The following MYH1 variants were observed in gnomAD, a reference collection of about 807,000 sequenced individuals.
MYH1 encodes myosin-1.
A neutral mutation model predicts 225.6 loss-of-function variants in MYH1; 214 were observed. The ratio of observed to expected loss-of-function variants is 0.95; its 90% CI spans 0.85 to 1.06. The LOEUF (loss-of-function observed/expected upper bound fraction) is 1.06. Ranked by LOEUF, MYH1 falls within the 50% of genes least tolerant of loss-of-function variation. The pLI is 0.00. For synonymous variants in MYH1, 774 were observed against 842.3 expected (o/e 0.92, Z 1.40); for missense variants, 2,098 against 2,344.2 (o/e 0.89, Z 2.17).
Position 10,500,659 on chromosome 17 carries a change from T to C in MYH1, c.3832A>G (p.Thr1278Ala). 1.2e-6 allele frequency: 2 copies of C among 1,613,946 alleles called. No individual in the cohort carries two copies. The highest frequency in any genetic ancestry group is 1.7e-6 in the Non-Finnish European group (2 of 1,180,020). ...EEQQRLINDL[T>A]AQRARLQTES... ...GTTTGCAGGCGCGCTCTCTGTGCTG[T>C]GAGGTCATTGATCAGCCGCTGCTGC... The change falls in exon 28 of 40, where the codon ACA becomes GCA. Residue 1278 changes from threonine to alanine, a missense_variant. Thr to Ala is a moderately conservative substitution (Grantham distance 58). Coordinates refer to ENST00000226207, the MANE Select transcript of MYH1 (RefSeq NM_005963.4).
At chr17:10,512,827 A>G in intron 10 of MYH1, 40 bp downstream of exon 10, 1 of 1,600,564 alleles carries the variant, frequency 6.2e-7, no homozygotes, top group Non-Finnish European at 8.6e-7. Flanking sequence ...ATTAGAAGAT[A>G]GTACAGTGAC....
chr17:10,498,484 G>A (rs2073018643), intron 30 of MYH1, 142 bp downstream of exon 30: 3 of 1,164,304 alleles, frequency 2.6e-6, no homozygotes, highest in Non-Finnish European at 1.2e-6. Context: ...ACTCCTCTCA[G>A]AATCTCTTCT....
At position 10,495,122 on chromosome 17, in the gene MYH1, A is replaced by G. The variant is rs778515926; in HGVS notation, c.5296-21T>C. On this transcript the variant is annotated intron_variant, in intron 36 of 39. Transcript: ENST00000226207. ...GCAGCCTAATTAGCAGTAAAACAGA[A>G]TGGGTTAAGACAGCTAAGACAGCAC... 12 of 1,614,192 alleles carry G rather than the reference A, an allele frequency of 7.4e-6. No individual in the cohort carries two copies. In the East Asian group the frequency reaches 2.2e-4, roughly 30 times the overall value.
rs149473835 is a variant in MYH1 at position 10,507,949 on chromosome 17, G to A, written c.1905C>T (p.Gly635=). 7.9e-5 allele frequency: 128 copies of A among 1,611,618 alleles called. No individual in the cohort carries two copies. The African/African-American group carries it at 1.4e-3, about 17-fold the overall frequency. ...TCTTCTTACCACCTTTCTTTCCACC[G>A]CCAGCCTCTGAGGGGAAAAAGAAAG... ...VGATGAEAEA[G]GGKKGGKKKG... is the part of the protein sequence containing the mutation. The change falls in exon 17 of 40, where the codon GGC becomes GGT. Residue 635 remains glycine (G), a synonymous_variant. Coordinates refer to ENST00000226207, the MANE Select transcript of MYH1 (RefSeq NM_005963.4).
In MYH1 at chr17:10,500,698, T is replaced by C; in HGVS notation, c.3793A>G (p.Thr1265Ala). The C allele has an allele frequency of 7.4e-6, 12 of 1,614,162 alleles. No individual in the cohort carries two copies. Among genetic ancestry groups the C allele is most frequent in the Non-Finnish European group, 1.0e-5 (12 of 1,180,024 alleles). ...AGCCGCTGCTGCTCCTCTTCCTTGG[T>C]CTTAATTTCACTCAGTTGATCTTCT... ...ALEDQLSEIK[T>A]KEEEQQRLIN... The change falls in exon 28 of 40, where the codon ACC becomes GCC. Residue 1265 changes from threonine (T) to alanine (A), a missense_variant. Coordinates refer to ENST00000226207, the MANE Select transcript of MYH1 (RefSeq NM_005963.4).
At chr17:10,496,938 C>A in intron 33 of MYH1, 131 bp downstream of exon 33, 2 of 1,192,550 alleles carry the variant, frequency 1.7e-6, no homozygotes, top group Non-Finnish European at 2.3e-6. Flanking sequence ...TATGCATGAT[C>A]AGTTCTCCAT....
intron 17 of MYH1, 32 bp downstream of exon 17, chr17:10,507,854 A>G (rs776463554): frequency 6.3e-7 from 1 of 1,580,768 alleles, no homozygotes. Flanking sequence ...AATATCCTAA[A>G]TCTAATTAGA....
intron 30 of MYH1, among the ~76,000 whole-genome samples, chr17:10,498,302 T>A (rs2073017199): frequency 6.6e-6 from 1 of 152,268 alleles, no homozygotes; most frequent in Non-Finnish European, 1.5e-5. Context: ...CTAATCTTTG[T>A]ATTCTTGTAG....
intron 36 of MYH1, 45 bp downstream of exon 36, chr17:10,495,147 C>G (rs762295153): frequency 6.2e-7 from 1 of 1,614,204 alleles, no homozygotes; most frequent in East Asian, 2.2e-5. Context: ...TAAGACAGCA[C>G]ATTAAGATTT....
intron 20 of MYH1, 32 bp from the exon 21 acceptor site, chr17:10,505,331 T>C (rs1169973012): frequency 6.2e-7 from 1 of 1,614,022 alleles, no homozygotes; most frequent in Non-Finnish European, 8.5e-7. Flanking sequence ...GATCAGAAAA[T>C]TTACATAAAG....
chr17:10,510,163 AGTT>A (rs1041713338), intron 14 of MYH1, among the ~76,000 whole-genome samples: 3 of 152,064 alleles, frequency 2.0e-5, no homozygotes, highest in African/African-American at 7.2e-5. Flanking sequence ...TTTTTTTAAA[AGTT>A]GTTTGGTTTT....
In MYH1 at chr17:10,510,117, G is replaced by A. The variant is rs190132169; in HGVS notation, c.1417-462C>T. Among the ~76,000 whole-genome samples the A allele has an allele frequency of 8.6e-4, 131 of 152,132 alleles. 2 individuals carry two copies. Among genetic ancestry groups the A allele is most frequent in the African/African-American group, 2.9e-3 (119 of 41,510 alleles). On this transcript the variant is annotated intron_variant, in intron 14 of 39. Transcript: ENST00000226207. ...GTGGGCGACACAGCTTACCTATGTC[G>A]CAAACCTTCACATGGACCCCTGAAC...
intron 17 of MYH1, among the ~76,000 whole-genome samples, chr17:10,507,190 G>T (rs371525405): frequency 2.0e-5 from 3 of 152,044 alleles, no homozygotes; most frequent in East Asian, 3.9e-4. Context: ...AGCCTCCTGA[G>T]TAGCTGGGAT....
chr17:10,509,390 A>T, intron 15 of MYH1, 95 bp downstream of exon 15: 1 of 1,569,844 alleles, frequency 6.4e-7, no homozygotes, highest in African/African-American at 1.4e-5. Context: ...TTTCACAAGT[A>T]GAAATATTTA....
At chr17:10,509,708 T>C in intron 14 of MYH1, 53 bp from the exon 15 acceptor site, 1 of 1,613,978 alleles carries the variant, frequency 6.2e-7, no homozygotes, top group Non-Finnish European at 8.5e-7. Flanking sequence ...AAATCTTCTC[T>C]TTGAAAGGGG....
Position 10,497,757 on chromosome 17 carries a change from TG to T in MYH1, c.4341del (p.Asp1447GlufsTer50), listed in dbSNP as rs753397012. 6.2e-7 allele frequency: 1 copy of T among 1,613,854 alleles called. No homozygotes were observed. Among genetic ancestry groups the T allele is most frequent in the Non-Finnish European group, 8.5e-7 (1 of 1,179,992 alleles). ...ACCTTATCAAAGTTCCTTTGCTTTT[TG>T]TCCAGGGCGGCACAGGCAGCATTTG... ...ERTNAACAAL[D>X]KKQRNFDKIL... On this transcript the variant is annotated frameshift_variant, in exon 31 of 40. Transcript: ENST00000226207. LOFTEE classifies it high-confidence loss of function.
chr17:10,514,780 T>G, intron 6 of MYH1, 88 bp downstream of exon 6: 1 of 1,194,692 alleles, frequency 8.4e-7, no homozygotes. Context: ...AGTGCTTTAG[T>G]AGAGAACATT....
At position 10,507,921 on chromosome 17, in the gene MYH1, CCTT is replaced by C. The variant is rs1480382865; in HGVS notation, c.1930_1932del (p.Lys644del). On this transcript the variant is annotated inframe_deletion, in exon 17 of 40. Transcript: ENST00000226207. ...GCAGACACAGTCTGGAAAGAAGAAC[CCTT>C]CTTCTTACCACCTTTCTTTCCACCG... 2 of 1,613,856 alleles carry C rather than the reference CCTT, an allele frequency of 1.2e-6. No homozygotes were observed. Among genetic ancestry groups the C allele is most frequent in the East Asian group, 2.2e-5 (1 of 44,876 alleles).
chr17:10,506,496 CT>C (rs113019729), intron 17 of MYH1, among the ~76,000 whole-genome samples: 97 of 145,548 alleles, frequency 6.7e-4, no homozygotes, highest in Middle Eastern at 3.6e-3. Context: ...TCTTCTTCTT[CT>C]TTTTTTTTTT....
Sources: allele counts gnomAD v4.1 joint callset (sites outside exome capture counted in the v4.1 genomes callset), GRCh38; gene constraint gnomAD v4.1.1; transcripts MANE v1.5; gene names NCBI Gene and HGNC (gene_info 2026-07-23, HGNC 2026-07-21).